The following ERC1 variants were observed in gnomAD, a reference collection of about 807,000 sequenced individuals.
The protein encoded by ERC1 is ELKS/RAB6-interacting/CAST family member 1.
ERC1 carries 56 observed loss-of-function variants against 132.0 expected under a neutral mutation model. The observed-to-expected ratio is 0.42, with a 90% confidence interval of 0.34 to 0.53. The LOEUF is 0.53. ERC1 is among the 20% of genes least tolerant of loss of function. The pLI, the probability that ERC1 is intolerant of heterozygous loss-of-function variation, is 0.03. For missense variants in ERC1, 1,202 were observed against 1,349.9 expected (o/e 0.89, Z 1.72); for synonymous variants, 478 against 476.1 (o/e 1.00, Z -0.05).
chr12:1,449,057 G>T (rs1390107959), intron 18 of ERC1, among the ~76,000 whole-genome samples: 2 of 152,210 alleles, frequency 1.3e-5, no homozygotes, highest in Non-Finnish European at 2.9e-5. Flanking sequence ...AAGGTTTAAT[G>T]ACTGCCCTAT....
At position 1,464,189 on chromosome 12, in the gene ERC1, G is replaced by T. The variant is rs114309050; in HGVS notation, c.3213+19439G>T. Among the ~76,000 whole-genome samples, 204 of 152,326 alleles carry T rather than the reference G, an allele frequency of 1.3e-3. 1 individual carries two copies. The highest frequency in any genetic ancestry group is 4.7e-3 in the African/African-American group (197 of 41,580). Reference sequence around the variant, plus strand: ...AGTTTTGGTGTATATGTGGGACCTTGTGCTAAATGTAGAATAATCTTGTTT... The same window carrying T: ...AGTTTTGGTGTATATGTGGGACCTTTTGCTAAATGTAGAATAATCTTGTTT... On this transcript the variant is annotated intron_variant, in intron 18 of 18. Coordinates refer to ENST00000360905, the MANE Select transcript of ERC1 (RefSeq NM_178040.4).
intron 12 of ERC1, among the ~76,000 whole-genome samples, chr12:1,233,343 T>C (rs1353361940): frequency 6.6e-6 from 1 of 151,884 alleles, no homozygotes; most frequent in African/African-American, 2.4e-5. Flanking sequence ...TGGTGTTGCA[T>C]GCCTGTAATC....
rs1594017950 is a variant in ERC1, at chr12:1,180,676, A to G, written c.1874A>G (p.Lys625Arg). ...LTTLEEALAE[K>R]ERTIERLKEQ... ...ACTTTGGAGGAGGCCCTTGCAGAGA[A>G]AGTGAGTGGCTGGCCCCAACTCTCC... is the stretch of plus-strand genomic sequence containing the variant. Residue 625 changes from lysine to arginine, a missense_variant and splice_region_variant, in exon 9 of 19, where the codon AAA becomes AGA. Coordinates refer to ENST00000360905, the MANE Select transcript of ERC1 (RefSeq NM_178040.4). 6.2e-7 allele frequency: 1 copy of G among 1,613,998 alleles called. No homozygotes were observed. Among genetic ancestry groups the G allele is most frequent in the Middle Eastern group, 1.6e-4 (1 of 6,062 alleles).
intron 16 of ERC1, among the ~76,000 whole-genome samples, chr12:1,385,049 A>C (rs1452461717): frequency 6.6e-6 from 1 of 152,230 alleles, no homozygotes; most frequent in Non-Finnish European, 1.5e-5. Flanking sequence ...CCCAAAGTGC[A>C]CACCTGGAAA....
intron 15 of ERC1, among the ~76,000 whole-genome samples, chr12:1,326,963 G>A (rs988440599): frequency 2.0e-5 from 3 of 151,872 alleles, no homozygotes; most frequent in African/African-American, 7.3e-5. Flanking sequence ...TAGAACTGAG[G>A]TATTTCAGTT....
chr12:1,214,682 A>G (rs1272040008), intron 12 of ERC1, among the ~76,000 whole-genome samples: 1 of 151,738 alleles, frequency 6.6e-6, no homozygotes, highest in Non-Finnish European at 1.5e-5. Flanking sequence ...ACACACACAC[A>G]CACACACACA....
intron 3 of ERC1, among the ~76,000 whole-genome samples, chr12:1,091,079 G>T (rs976944341): frequency 2.0e-5 from 3 of 152,062 alleles, no homozygotes; most frequent in African/African-American, 7.2e-5. Flanking sequence ...AGTAGAGATG[G>T]GGTTTCGCCA....
rs754265546 is a variant in ERC1, at chr12:1,410,419, A to G, written c.3024+2172A>G. 7 of 1,324,526 alleles carry G rather than the reference A, an allele frequency of 5.3e-6. No homozygotes were observed. In the East Asian group the frequency reaches 1.2e-4, roughly 23 times the overall value. 82.0% of individuals were successfully genotyped at this position (1,324,526 alleles called of 1,614,324 possible). On this transcript the variant is annotated intron_variant, in intron 17 of 18. Coordinates refer to ENST00000360905, the MANE Select transcript of ERC1 (RefSeq NM_178040.4). Reference sequence around the variant, plus strand: ...GGAGGAGGGTATATGGGCATAGCCAATCAGAGGCTTAGTTCAGCCATTTTG... The same window carrying G: ...GGAGGAGGGTATATGGGCATAGCCAGTCAGAGGCTTAGTTCAGCCATTTTG...
intron 15 of ERC1, among the ~76,000 whole-genome samples, chr12:1,361,864 G>A (rs1208231943): frequency 6.6e-6 from 1 of 152,028 alleles, no homozygotes; most frequent in African/African-American, 2.4e-5. Context: ...TGGAAAGAAT[G>A]TCAGAGTTCA....
chr12:1,273,328 T>A (rs1018385599), intron 14 of ERC1, among the ~76,000 whole-genome samples: 5 of 152,336 alleles, frequency 3.3e-5, no homozygotes, highest in African/African-American at 1.2e-4. Flanking sequence ...AAACAAATCA[T>A]CTTCTTAGTA....
At chr12:1,463,697 CTGTGTGTGTG>C (rs57210462) in intron 18 of ERC1, among the ~76,000 whole-genome samples, 6 of 136,032 alleles carry the variant, frequency 4.4e-5, no homozygotes, top group African/African-American at 8.8e-5. Context: ...GGTGCTAAGA[CTGTGTGTGTG>C]TGTGTGTGTG....
chr12:1,236,274 T>C (rs1373871961), intron 12 of ERC1, among the ~76,000 whole-genome samples: 1 of 152,184 alleles, frequency 6.6e-6, no homozygotes, highest in Non-Finnish European at 1.5e-5. Flanking sequence ...TGATGTTCCA[T>C]TTCTTAAGCT....
At chr12:1,220,102 A>G (rs182266963) in intron 12 of ERC1, among the ~76,000 whole-genome samples, 4 of 152,200 alleles carry the variant, frequency 2.6e-5, no homozygotes, top group Admixed American at 6.5e-5. Context: ...AAGCCTTTGT[A>G]GTTATGATTC....
intron 12 of ERC1, among the ~76,000 whole-genome samples, chr12:1,230,004 CTTTT>C (rs754220477): frequency 1.9e-5 from 2 of 107,772 alleles, no homozygotes; most frequent in African/African-American, 3.9e-5. Flanking sequence ...CTTTTTGACT[CTTTT>C]TTTTTTTTTT....
At chr12:1,311,086 A>G (rs1008918596) in intron 15 of ERC1, among the ~76,000 whole-genome samples, 1 of 152,382 alleles carries the variant, frequency 6.6e-6, no homozygotes, top group African/African-American at 2.4e-5. Context: ...AACAAAGGAA[A>G]CATTTTATAA....
chr12:1,403,535 T>C (rs2154390853), intron 16 of ERC1, among the ~76,000 whole-genome samples: 1 of 152,328 alleles, frequency 6.6e-6, no homozygotes, highest in South Asian at 2.1e-4. Flanking sequence ...TTCTTCATAC[T>C]AGACCTAGGA....
rs565997812 is a variant in ERC1 at position 1,327,942 on chromosome 12, CT to C, written c.2780+37937del. Among the ~76,000 whole-genome samples the C allele has an allele frequency of 1.9e-3, 287 of 152,218 alleles. 1 individual carries two copies. The highest frequency in any genetic ancestry group is 0.014 in the Middle Eastern group (4 of 294). On this transcript the variant is annotated intron_variant, in intron 15 of 18. Transcript: ENST00000360905. The stretch of plus-strand genomic sequence containing the variant: ...AAACTAATTAAATTGTTCCTAACAA[CT>C]TTTTTTCCCTTGCCTCTCATAGCTT...
intron 7 of ERC1, among the ~76,000 whole-genome samples, chr12:1,129,401 G>A (rs1948536512): frequency 6.6e-6 from 1 of 152,170 alleles, no homozygotes. Flanking sequence ...TGTACATGTA[G>A]TCCTGGCTAC....
At chr12:1,182,792 G>T (rs779073025) in intron 10 of ERC1, among the ~76,000 whole-genome samples, 1 of 151,834 alleles carries the variant, frequency 6.6e-6, no homozygotes, top group Non-Finnish European at 1.5e-5. Flanking sequence ...CTTCCATGTA[G>T]CTAGGACTAT....
Sources: gnomAD v4.1 joint callset for allele counts (sites outside exome capture counted in the v4.1 genomes callset) on GRCh38, gnomAD v4.1.1 for gene constraint, MANE v1.5 for transcripts, NCBI Gene and HGNC (gene_info 2026-07-23, HGNC 2026-07-21) for gene names.